Variants in ANO6 observed in about 807,000 individuals in gnomAD.
ANO6 encodes the protein anoctamin 6, also known as anoctamin-6.
ANO6 carries 106 observed loss-of-function variants against 117.5 expected under a neutral mutation model. The observed-to-expected ratio is 0.90, with a 90% CI of 0.77 to 1.06. The LOEUF (loss-of-function observed/expected upper bound fraction) is 1.06. Among genes scored for constraint, ANO6 ranks in the 50% least tolerant of loss-of-function variants. ANO6 has a pLI of 0.00. For missense variants in ANO6, 955 were observed against 1,121.1 expected (o/e 0.85, Z 2.12); for synonymous variants, 367 against 385.1 (o/e 0.95, Z 0.55).
rs35401353 is a variant in ANO6 at position 45,221,059 on chromosome 12, T to TGGGG, written c.70+4674_70+4677dup. Reference sequence around the variant, plus strand: ...TGGGGCCTGTGATTGGTGTCGGAAGTGGGGGGGGGCAGCCTTGTAGGACTG... The same window carrying TGGGG: ...TGGGGCCTGTGATTGGTGTCGGAAGTGGGGGGGGGGGGGCAGCCTTGTAGGACTG... On this transcript the variant is annotated intron_variant, in intron 1 of 19. Transcript: ENST00000320560. Among the ~76,000 whole-genome samples the TGGGG allele has an allele frequency of 4.4e-3, 651 of 149,146 alleles. 5 individuals are homozygous for TGGGG. Among genetic ancestry groups the TGGGG allele is most frequent in the South Asian group, 0.036 (168 of 4,614 alleles).
intron 3 of ANO6, 103 bp downstream of exon 3, chr12:45,331,526 CA>C: frequency 9.2e-7 from 1 of 1,088,818 alleles, no homozygotes; most frequent in East Asian, 2.7e-5. Context: ...GTTGAAATAT[CA>C]TACACAAAAC....
At chr12:45,327,169 C>CA (rs146502772) in intron 2 of ANO6, among the ~76,000 whole-genome samples, 2,849 of 148,884 alleles carry the variant, frequency 0.019, 97 homozygotes, top group African/African-American at 0.064. Context: ...AAGCACTCCA[C>CA]AAAAAAAAAG....
At chr12:45,356,514 T>G (rs554521666) in intron 7 of ANO6, among the ~76,000 whole-genome samples, 1 of 152,332 alleles carries the variant, frequency 6.6e-6, no homozygotes, top group Non-Finnish European at 1.5e-5. Flanking sequence ...ATTTTGAATG[T>G]TATATGTATT....
chr12:45,292,745 A>AG, intron 1 of ANO6: 2 of 1,419,274 alleles, frequency 1.4e-6, no homozygotes, highest in Non-Finnish European at 1.9e-6. Context: ...AAACAACACC[A>AG]AACATGGAAA....
chr12:45,353,181 G>A (rs1286844720), intron 7 of ANO6, among the ~76,000 whole-genome samples: 4 of 151,974 alleles, frequency 2.6e-5, no homozygotes, highest in African/African-American at 9.7e-5. Flanking sequence ...AGCTATCAAC[G>A]ATCATTACTT....
chr12:45,252,461 AT>A (rs920498160), intron 1 of ANO6, among the ~76,000 whole-genome samples: 39 of 152,150 alleles, frequency 2.6e-4, no homozygotes, highest in Admixed American at 1.2e-3. Context: ...AAGCATAATC[AT>A]TTTTTTAAAA....
At chr12:45,269,881 A>G (rs1003184546) in intron 1 of ANO6, among the ~76,000 whole-genome samples, 12 of 152,266 alleles carry the variant, frequency 7.9e-5, no homozygotes, top group Non-Finnish European at 1.8e-4. Context: ...ATTGACCATA[A>G]TAGGGAACTG....
At chr12:45,439,883 T>C in exon 20 of ANO6, 1 of 1,531,400 alleles carries the variant, frequency 6.5e-7, no homozygotes, top group African/African-American at 1.4e-5. Flanking sequence ...TTCTTTTTCC[T>C]TCTACTTTCT....
intron 1 of ANO6, among the ~76,000 whole-genome samples, chr12:45,217,194 G>GGAC (rs1565625831): frequency 6.6e-6 from 1 of 152,140 alleles, no homozygotes; most frequent in Non-Finnish European, 1.5e-5. Flanking sequence ...AGGAATGAGA[G>GGAC]GACTAGAGAG....
intron 17 of ANO6, 63 bp downstream of exon 17, chr12:45,416,967 G>T (rs972289461): frequency 2.0e-6 from 3 of 1,523,446 alleles, no homozygotes; most frequent in Non-Finnish European, 2.7e-6. Flanking sequence ...GCTACCTAAG[G>T]AATCAAATGT....
chr12:45,393,256 G>C (rs1942506519), intron 12 of ANO6, among the ~76,000 whole-genome samples: 2 of 152,106 alleles, frequency 1.3e-5, no homozygotes, highest in Non-Finnish European at 2.9e-5. Flanking sequence ...AGTGATTGAA[G>C]ATCAAATTAA....
chr12:45,389,072 T>C (rs945550244), intron 11 of ANO6, among the ~76,000 whole-genome samples: 1 of 152,214 alleles, frequency 6.6e-6, no homozygotes, highest in African/African-American at 2.4e-5. Context: ...TGAATACGAA[T>C]AGCTCTTGGA....
chr12:45,254,012 C>T (rs1431391712), intron 1 of ANO6, among the ~76,000 whole-genome samples: 1 of 152,038 alleles, frequency 6.6e-6, no homozygotes, highest in Non-Finnish European at 1.5e-5. Context: ...ATTAAAAATG[C>T]AAAAATTAGC....
intron 1 of ANO6, among the ~76,000 whole-genome samples, chr12:45,299,172 C>A (rs1391209422): frequency 1.3e-5 from 2 of 152,138 alleles, no homozygotes; most frequent in African/African-American, 2.4e-5. Flanking sequence ...CTTATCATAG[C>A]CTCGCATATA....
intron 1 of ANO6, among the ~76,000 whole-genome samples, chr12:45,240,473 C>T (rs1947725104): frequency 6.9e-6 from 1 of 144,732 alleles, no homozygotes; most frequent in African/African-American, 2.5e-5. Context: ...CTCCTGAATT[C>T]AGCACACTGA....
At chr12:45,330,590 T>A (rs1940630653) in intron 2 of ANO6, among the ~76,000 whole-genome samples, 1 of 152,130 alleles carries the variant, frequency 6.6e-6, no homozygotes, top group African/African-American at 2.4e-5. Context: ...GTATTTGGTC[T>A]CTGTTCTGCC....
At position 45,302,086 on chromosome 12, in the gene ANO6, C is replaced by G. The variant is rs770877324; in HGVS notation, c.143C>G (p.Pro48Arg). Residue 48 changes from proline (P) to arginine (R), a missense_variant, in exon 2 of 20, where the codon CCG (proline) becomes CGG (arginine). Coordinates refer to ENST00000320560, the MANE Select transcript of ANO6 (RefSeq NM_001025356.3). Reference protein sequence around the residue: ...SLESQHDFRTPEFEEFNGKPD... With the variant: ...SLESQHDFRTREFEEFNGKPD... Reference sequence around the variant, plus strand: ...GAAAGTCAGCATGATTTTCGAACCCCGGAGTTTGTGAGTACTATTCCTTTA... The same window carrying G: ...GAAAGTCAGCATGATTTTCGAACCCGGGAGTTTGTGAGTACTATTCCTTTA... 1 of 1,613,752 alleles carries G rather than the reference C, an allele frequency of 6.2e-7. No homozygotes were observed. Among genetic ancestry groups the G allele is most frequent in the Non-Finnish European group, 8.5e-7 (1 of 1,179,736 alleles).
At chr12:45,311,435 C>T (rs756926318) in intron 2 of ANO6, among the ~76,000 whole-genome samples, 2 of 152,126 alleles carry the variant, frequency 1.3e-5, no homozygotes, top group Non-Finnish European at 2.9e-5. Flanking sequence ...AAAGGAAATA[C>T]TAGGCTTTTC....
chr12:45,239,635 T>A (rs1947706300), intron 1 of ANO6, among the ~76,000 whole-genome samples: 1 of 152,196 alleles, frequency 6.6e-6, no homozygotes. Context: ...TTAATTGTGA[T>A]GTTAGGGTGT....
Sources: allele counts gnomAD v4.1 joint callset (sites outside exome capture counted in the v4.1 genomes callset), GRCh38; gene constraint gnomAD v4.1.1; transcripts MANE v1.5; gene names NCBI Gene and HGNC (gene_info 2026-07-23, HGNC 2026-07-21).